The following ITPKB variants were observed in gnomAD, a reference collection of about 807,000 sequenced individuals.
ITPKB encodes the protein inositol-trisphosphate 3-kinase B.
In ITPKB, 13 loss-of-function variants were observed where a neutral mutation model predicts 69.4. The ratio of observed to expected loss-of-function variants is 0.19; its 90% CI spans 0.12 to 0.30. The LOEUF (loss-of-function observed/expected upper bound fraction) is 0.30, where lower values mean the gene tolerates loss of function less well. Among genes scored for constraint, ITPKB ranks in the 10% least tolerant of loss-of-function variants. ITPKB has a pLI of 1.00. For synonymous variants in ITPKB, 584 were observed against 513.7 expected (o/e 1.14, Z -1.85); for missense variants, 1,240 against 1,250.5 (o/e 0.99, Z 0.13).
rs1144839 is a variant in ITPKB, at chr1:226,632,551, C to G, written c.*2120G>C. On this transcript the variant is annotated 3_prime_UTR_variant, in exon 8 of 8. Coordinates refer to ENST00000429204, the MANE Select transcript of ITPKB (RefSeq NM_002221.4). ...AACAGAAAACAAAAACCCTAAGTAA[C>G]AGAATAACCCTAAAATGATGCTACT... 15,778 of 152,158 alleles carry G rather than the reference C, an allele frequency of 0.1. 851 individuals carry two copies. The highest frequency in any genetic ancestry group is 0.15 in the East Asian group (788 of 5,166). The allele number at this position is 152,158 out of a possible 1,614,324, so 9.4% of individuals were successfully genotyped here. A position where few individuals can be genotyped will look rare whatever the true frequency, so the allele number is the denominator to read the frequency against.
chr1:226,688,669 C>T (rs1558085931), intron 2 of ITPKB, among the ~76,000 whole-genome samples: 4 of 152,342 alleles, frequency 2.6e-5, no homozygotes, highest in East Asian at 3.9e-4. Flanking sequence ...TGCCGGGTCC[C>T]AGGCAGAGCT....
intron 2 of ITPKB, among the ~76,000 whole-genome samples, chr1:226,721,152 T>A (rs181129447): frequency 1.5e-3 from 229 of 149,564 alleles, no homozygotes; most frequent in South Asian, 3.4e-3. Context: ...GAGCCCAACC[T>A]GACCAACATG....
At position 226,736,898 on chromosome 1, in the gene ITPKB, A is replaced by T. The variant is rs1425229660; in HGVS notation, c.561T>A (p.Pro187=). Reference sequence around the variant, plus strand: ...GGGCGCCCTGAACCAGGACCCTTCCAGGGGGCTGACTGCTGCTGCGGAAGG... The same window carrying T: ...GGGCGCCCTGAACCAGGACCCTTCCTGGGGGCTGACTGCTGCTGCGGAAGG... ...PCPFRSSSQP[P]GRVLVQGARS... The change falls in exon 2 of 8, where the codon CCT becomes CCA. Residue 187 remains proline, a synonymous_variant. Coordinates refer to ENST00000429204, the MANE Select transcript of ITPKB (RefSeq NM_002221.4). 1 of 1,608,958 alleles carries T rather than the reference A, an allele frequency of 6.2e-7. No individual in the cohort carries two copies. The highest frequency in any genetic ancestry group is 1.1e-5 in the South Asian group (1 of 90,988).
rs1355605967 is a variant in ITPKB, at chr1:226,738,740, G to A, written c.-206+301C>T. On this transcript the variant is annotated intron_variant, in intron 1 of 7. Coordinates refer to ENST00000429204, the MANE Select transcript of ITPKB (RefSeq NM_002221.4). The surrounding 1 kb of genome is among the most constrained non-coding windows in gnomAD (Gnocchi z 4.2). Reference sequence around the variant, plus strand: ...CTCCGCATCCCGGGCAGCCTCGCCCGGCGCCAGCAGAGCCGCCCCGAGACC... The same window carrying A: ...CTCCGCATCCCGGGCAGCCTCGCCCAGCGCCAGCAGAGCCGCCCCGAGACC... Among the ~76,000 whole-genome samples, 2 of 152,166 alleles carry A rather than the reference G, an allele frequency of 1.3e-5. 1 individual carries two copies. Among genetic ancestry groups the A allele is most frequent in the South Asian group, 4.1e-4 (2 of 4,834 alleles).
At chr1:226,678,974 T>C (rs1314681732) in intron 2 of ITPKB, among the ~76,000 whole-genome samples, 1 of 152,200 alleles carries the variant, frequency 6.6e-6, no homozygotes, top group Non-Finnish European at 1.5e-5. Context: ...AGAGACCACA[T>C]GGTTGCCTAG....
intron 4 of ITPKB, among the ~76,000 whole-genome samples, chr1:226,646,300 C>T (rs1329811731): frequency 6.6e-6 from 1 of 152,216 alleles, no homozygotes; most frequent in Non-Finnish European, 1.5e-5. Context: ...GTTCACCAAG[C>T]CTGCACAGGG....
At chr1:226,703,167 A>G (rs1006322274) in intron 2 of ITPKB, among the ~76,000 whole-genome samples, 1 of 151,620 alleles carries the variant, frequency 6.6e-6, no homozygotes, top group African/African-American at 2.4e-5. Context: ...TGGGTGAAGG[A>G]AAAAAAAAGT....
intron 2 of ITPKB, among the ~76,000 whole-genome samples, chr1:226,685,992 T>G (rs1656208734): frequency 6.6e-6 from 1 of 151,922 alleles, no homozygotes; most frequent in African/African-American, 2.4e-5. Flanking sequence ...AGGAGGGGGA[T>G]GATGAAGATT....
chr1:226,655,767 A>G (rs982915208), intron 2 of ITPKB, among the ~76,000 whole-genome samples: 7 of 152,136 alleles, frequency 4.6e-5, no homozygotes, highest in Non-Finnish European at 1.0e-4. Flanking sequence ...TTTCCAGCCA[A>G]TTCCCGCCCC....
At position 226,725,025 on chromosome 1, in the gene ITPKB, G is replaced by T. The variant is rs146819526; in HGVS notation, c.1932+10502C>A. On this transcript the variant is annotated intron_variant, in intron 2 of 7. Transcript: ENST00000429204. ...CCAGACTCCTTCCCTAGAGGCTGTT[G>T]CCCAAATCCAGTTCCTTTACTCCCT... Among the ~76,000 whole-genome samples, 385 of 151,338 alleles carry T rather than the reference G, an allele frequency of 2.5e-3. 2 individuals are homozygous for T. The highest frequency in any genetic ancestry group is 8.2e-3 in the African/African-American group (339 of 41,268).
chr1:226,650,017 C>T (rs1232775494), intron 2 of ITPKB, among the ~76,000 whole-genome samples: 10 of 152,106 alleles, frequency 6.6e-5, no homozygotes, highest in Admixed American at 6.5e-4. Context: ...GATCCTGGAC[C>T]AGCTAAACCA....
At chr1:226,638,487 C>T (rs1668885475) in intron 6 of ITPKB, among the ~76,000 whole-genome samples, 1 of 152,210 alleles carries the variant, frequency 6.6e-6, no homozygotes, top group Non-Finnish European at 1.5e-5. Context: ...GTGCCATTCA[C>T]AGGGGCTCCA....
intron 2 of ITPKB, among the ~76,000 whole-genome samples, chr1:226,700,474 A>C (rs112560092): frequency 1.3e-5 from 2 of 148,588 alleles, no homozygotes; most frequent in Non-Finnish European, 3.0e-5. Flanking sequence ...TCAAAAAAAA[A>C]AAAAAAAAAA....
chr1:226,652,319 T>C (rs1178617120), intron 2 of ITPKB, among the ~76,000 whole-genome samples: 1 of 152,078 alleles, frequency 6.6e-6, no homozygotes, highest in Non-Finnish European at 1.5e-5. Context: ...CCAAATCCAC[T>C]CCAGGCACAC....
chr1:226,731,757 G>A (rs958908357), intron 2 of ITPKB, among the ~76,000 whole-genome samples: 14 of 152,046 alleles, frequency 9.2e-5, no homozygotes, highest in Non-Finnish European at 1.8e-4. Flanking sequence ...AGATCTCAAA[G>A]CTGCTGAGCC....
intron 2 of ITPKB, among the ~76,000 whole-genome samples, chr1:226,722,037 T>C (rs1470676045): frequency 6.6e-6 from 1 of 152,082 alleles, no homozygotes; most frequent in Non-Finnish European, 1.5e-5. Context: ...GGAATCGAAC[T>C]CCTGACCTCA....
chr1:226,670,694 ATTAACT>A (rs1669598208), intron 2 of ITPKB, among the ~76,000 whole-genome samples: 1 of 152,264 alleles, frequency 6.6e-6, no homozygotes, highest in Non-Finnish European at 1.5e-5. Context: ...ATTTCTGCAC[ATTAACT>A]TTATACTGGC....
chr1:226,643,148 C>T lies in ITPKB; in HGVS notation c.2247-1023G>A, dbSNP rs536351556. 3.0e-4 allele frequency among the ~76,000 whole-genome samples: 46 copies of T among 152,308 alleles called. No homozygotes were observed. In the Middle Eastern group the frequency reaches 0.02, roughly 68 times the overall value. On this transcript the variant is annotated intron_variant, in intron 4 of 7. Transcript: ENST00000429204. The stretch of plus-strand genomic sequence containing the variant: ...ACACGAGCAGCTCCAGCTGAACTGG[C>T]GGGGACCACCTAGACACTGGGGAAG...
intron 2 of ITPKB, among the ~76,000 whole-genome samples, chr1:226,701,795 C>T (rs948049367): frequency 6.6e-6 from 1 of 152,030 alleles, no homozygotes; most frequent in African/African-American, 2.4e-5. Flanking sequence ...ACTTCAGGGG[C>T]GCTCACTAAC....
Sources: allele counts gnomAD v4.1 joint callset (sites outside exome capture counted in the v4.1 genomes callset), GRCh38; gene constraint gnomAD v4.1.1; non-coding constraint Gnocchi (gnomAD v3.1); transcripts MANE v1.5; gene names NCBI Gene and HGNC (gene_info 2026-07-23, HGNC 2026-07-21).